The following STIM2 variants were observed in gnomAD, a reference collection of about 807,000 sequenced individuals.
STIM2 encodes the protein stromal interaction molecule 2.
A neutral mutation model predicts 85.8 loss-of-function variants in STIM2; 31 were observed. The observed-to-expected ratio is 0.36, with a 90% CI of 0.27 to 0.49. The LOEUF is 0.49. Ranked by LOEUF, STIM2 falls within the 20% of genes least tolerant of loss-of-function variation. The pLI, the probability that STIM2 is intolerant of heterozygous loss-of-function variation, is 0.98. For missense variants in STIM2, 841 were observed against 927.6 expected (o/e 0.91, Z 1.21); for synonymous variants, 356 against 331.1 (o/e 1.08, Z -0.82).
At chr4:26,934,962 G>GT (rs1725342806) in intron 2 of STIM2, among the ~76,000 whole-genome samples, 1 of 148,496 alleles carries the variant, frequency 6.7e-6, no homozygotes, top group African/African-American at 2.5e-5. Flanking sequence ...ATTTATACTA[G>GT]TTTAGGGAAA....
At chr4:26,901,015 C>T (rs192021479) in intron 1 of STIM2, among the ~76,000 whole-genome samples, 2 of 152,318 alleles carry the variant, frequency 1.3e-5, no homozygotes, top group East Asian at 1.9e-4. Flanking sequence ...TGGTCTGTGT[C>T]TGATCTCATT....
chr4:26,878,940 C>G (rs1370898294), intron 1 of STIM2, among the ~76,000 whole-genome samples: 1 of 152,252 alleles, frequency 6.6e-6, no homozygotes, highest in Non-Finnish European at 1.5e-5. Flanking sequence ...CAGTCACCTC[C>G]CATCAGGATC....
chr4:26,944,087 T>G (rs965833501), intron 2 of STIM2, among the ~76,000 whole-genome samples: 1 of 152,178 alleles, frequency 6.6e-6, no homozygotes, highest in Non-Finnish European at 1.5e-5. Flanking sequence ...TACTTGTGAT[T>G]TTTAAGGATT....
intron 1 of STIM2, among the ~76,000 whole-genome samples, chr4:26,885,427 T>G (rs951612256): frequency 6.6e-6 from 1 of 152,162 alleles, no homozygotes; most frequent in Admixed American, 6.5e-5. Flanking sequence ...ACCATAGATT[T>G]GCTTCCCTAT....
At chr4:26,894,671 T>A (rs1211934688) in intron 1 of STIM2, among the ~76,000 whole-genome samples, 3 of 152,230 alleles carry the variant, frequency 2.0e-5, no homozygotes, top group Non-Finnish European at 4.4e-5. Flanking sequence ...TTTCTGTTGC[T>A]TTGACAATAC....
At chr4:26,933,733 C>CAAAAAAAAAAAAAAAAAAAA (rs771503772) in intron 2 of STIM2, among the ~76,000 whole-genome samples, 2 of 47,764 alleles carry the variant, frequency 4.2e-5, no homozygotes, top group African/African-American at 7.1e-5. Context: ...GACCTGATCT[C>CAAAAAAAAAAAAAAAAAAAA]AAAAAAAAAA....
chr4:26,862,267 T>C (rs1722243447), intron 1 of STIM2, among the ~76,000 whole-genome samples: 1 of 151,884 alleles, frequency 6.6e-6, no homozygotes, highest in Non-Finnish European at 1.5e-5. Context: ...AGTTATTATA[T>C]AAGGACCCTG....
At chr4:26,870,415 A>G (rs1400460355) in intron 1 of STIM2, among the ~76,000 whole-genome samples, 1 of 152,092 alleles carries the variant, frequency 6.6e-6, no homozygotes, top group Admixed American at 6.5e-5. Context: ...AAATATATCT[A>G]CTTTTTGTCA....
At chr4:26,867,060 G>A (rs1019305504) in intron 1 of STIM2, among the ~76,000 whole-genome samples, 18 of 152,100 alleles carry the variant, frequency 1.2e-4, no homozygotes, top group Non-Finnish European at 8.8e-5. Flanking sequence ...AAGGATATCA[G>A]TTAGGAAACT....
chr4:27,009,998 G>T (rs1477461473), intron 10 of STIM2, among the ~76,000 whole-genome samples: 1 of 152,094 alleles, frequency 6.6e-6, no homozygotes, highest in East Asian at 1.9e-4. Context: ...TTTTGGGTTG[G>T]GGGCAGAGGT....
intron 1 of STIM2, among the ~76,000 whole-genome samples, chr4:26,898,545 G>A (rs1723792927): frequency 6.6e-6 from 1 of 151,908 alleles, no homozygotes; most frequent in Non-Finnish European, 1.5e-5. Flanking sequence ...CCAATATATT[G>A]GTGTTGCAAA....
chr4:26,970,692 C>T (rs1483961061), intron 3 of STIM2, among the ~76,000 whole-genome samples: 1 of 152,140 alleles, frequency 6.6e-6, no homozygotes, highest in African/African-American at 2.4e-5. Flanking sequence ...GTGAATAGTG[C>T]CGCAATAAAC....
intron 2 of STIM2, among the ~76,000 whole-genome samples, chr4:26,938,787 A>G (rs775715269): frequency 1.3e-5 from 2 of 152,190 alleles, no homozygotes; most frequent in Non-Finnish European, 2.9e-5. Context: ...AGATAAGGAG[A>G]CAGAGGCTTA....
intron 1 of STIM2, among the ~76,000 whole-genome samples, chr4:26,871,095 A>C (rs78429315): frequency 0.014 from 2,066 of 152,246 alleles, 54 homozygotes; most frequent in African/African-American, 0.048. Flanking sequence ...AGGATGACAG[A>C]GTCAATGCTG....
chr4:26,861,493 AGCCCTGCCTGCT>A, intron 1 of STIM2, 124 bp downstream of exon 1: 1 of 1,215,356 alleles, frequency 8.2e-7, no homozygotes. Context: ...CGCGATGCGG[AGCCCTGCCTGCT>A]GCTTCGTCGC....
chr4:26,967,947 A>T lies in STIM2; in HGVS notation c.397+10221A>T, dbSNP rs1008103802. The stretch of plus-strand genomic sequence containing the variant: ...TGGCAAGAATAAAATCATTATTAAC[A>T]GGCAGGAAGATCAGTAGTTTGAGAC... On this transcript the variant is annotated intron_variant, in intron 3 of 11. Transcript: ENST00000467087. 3.3e-5 allele frequency among the ~76,000 whole-genome samples: 5 copies of T among 152,136 alleles called. No homozygotes were observed. In the East Asian group the frequency reaches 9.6e-4, roughly 29 times the overall value.
intron 2 of STIM2, among the ~76,000 whole-genome samples, chr4:26,933,627 G>A (rs543993296): frequency 6.6e-6 from 1 of 150,996 alleles, no homozygotes; most frequent in East Asian, 1.9e-4. Flanking sequence ...TGCAGAGGGT[G>A]GTAGCACACA....
intron 2 of STIM2, among the ~76,000 whole-genome samples, chr4:26,947,072 C>A (rs1725858663): frequency 6.6e-6 from 1 of 152,172 alleles, no homozygotes; most frequent in Non-Finnish European, 1.5e-5. Context: ...AGTACAGAGG[C>A]TCAGTGATGT....
intron 4 of STIM2, among the ~76,000 whole-genome samples, chr4:26,996,127 T>C (rs1727953024): frequency 6.6e-6 from 1 of 152,038 alleles, no homozygotes; most frequent in Non-Finnish European, 1.5e-5. Flanking sequence ...GATAGCAAAG[T>C]CCAGGTTGCC....
Sources: allele counts gnomAD v4.1 joint callset (sites outside exome capture counted in the v4.1 genomes callset), GRCh38; gene constraint gnomAD v4.1.1; transcripts MANE v1.5; gene names NCBI Gene and HGNC (gene_info 2026-07-23, HGNC 2026-07-21).